NTM: variants seen among roughly 807,000 people sequenced by gnomAD.
The protein encoded by NTM is IgLON family member 2.
NTM carries 13 observed loss-of-function variants against 42.1 expected under a neutral mutation model. The observed-to-expected ratio is 0.31, with a 90% CI of 0.20 to 0.49. NTM has a LOEUF of 0.49. Ranked by LOEUF, NTM falls within the 20% of genes least tolerant of loss-of-function variation. The pLI, the probability that NTM is intolerant of heterozygous loss-of-function variation, is 0.99. For synonymous variants in NTM, 187 were observed against 179.2 expected (o/e 1.04, Z -0.35); for missense variants, 373 against 452.8 (o/e 0.82, Z 1.60).
chr11:131,407,056 T>A (rs970965197), intron 1 of NTM, among the ~76,000 whole-genome samples: 2 of 152,220 alleles, frequency 1.3e-5, no homozygotes, highest in Admixed American at 1.3e-4. Context: ...TTTTAAATAT[T>A]GAAGACGCAA....
chr11:131,914,519 T>C (rs1565725792), intron 2 of NTM, among the ~76,000 whole-genome samples: 1 of 152,234 alleles, frequency 6.6e-6, no homozygotes, highest in Non-Finnish European at 1.5e-5. Context: ...TGCTTTGTTC[T>C]CACCAACATC....
chr11:132,127,772 A>G (rs1318865411), intron 2 of NTM, among the ~76,000 whole-genome samples: 1 of 152,218 alleles, frequency 6.6e-6, no homozygotes, highest in African/African-American at 2.4e-5. Context: ...TTCACAGCCA[A>G]GCCTCATTCA....
chr11:132,061,325 A>G (rs1035827906), intron 2 of NTM, among the ~76,000 whole-genome samples: 1 of 152,244 alleles, frequency 6.6e-6, no homozygotes, highest in East Asian at 1.9e-4. Context: ...AAATGTCTTT[A>G]TCAACACCTT....
At chr11:131,416,925 G>A (rs1947020897) in intron 1 of NTM, among the ~76,000 whole-genome samples, 2 of 152,198 alleles carry the variant, frequency 1.3e-5, no homozygotes, top group South Asian at 2.1e-4. Flanking sequence ...GAAATGATCA[G>A]TAGACTTGTT....
intron 1 of NTM, among the ~76,000 whole-genome samples, chr11:131,544,355 C>T (rs1388188300): frequency 1.3e-5 from 2 of 152,156 alleles, no homozygotes; most frequent in African/African-American, 2.4e-5. Flanking sequence ...GTGCCTGGTT[C>T]GTTTGTCTAC....
chr11:131,495,297 C>G (rs1375887502), intron 1 of NTM, among the ~76,000 whole-genome samples: 2 of 152,218 alleles, frequency 1.3e-5, no homozygotes, highest in Non-Finnish European at 2.9e-5. Flanking sequence ...ACTCCCCCGC[C>G]CCTGTTGTTT....
intron 1 of NTM, among the ~76,000 whole-genome samples, chr11:131,419,663 T>G (rs1947305460): frequency 6.6e-6 from 1 of 151,868 alleles, no homozygotes; most frequent in African/African-American, 2.4e-5. Flanking sequence ...AGAAGCCACA[T>G]CATGTAGGTG....
chr11:131,984,003 G>GC (rs2065679093), intron 2 of NTM, among the ~76,000 whole-genome samples: 1 of 152,170 alleles, frequency 6.6e-6, no homozygotes, highest in South Asian at 2.1e-4. Context: ...TGATCTACCT[G>GC]CCTGTAGAGC....
At chr11:131,573,943 C>T (rs902766563) in intron 1 of NTM, among the ~76,000 whole-genome samples, 1 of 152,212 alleles carries the variant, frequency 6.6e-6, no homozygotes, top group Admixed American at 6.5e-5. Context: ...AGCCCCATCA[C>T]ATGAGCCACA....
chr11:131,855,553 C>A (rs1488611483), intron 1 of NTM, among the ~76,000 whole-genome samples: 2 of 152,176 alleles, frequency 1.3e-5, no homozygotes, highest in African/African-American at 2.4e-5. Flanking sequence ...ACTACCACAT[C>A]ATTTTCCTTT....
At chr11:131,398,244 G>C (rs568762228) in intron 1 of NTM, among the ~76,000 whole-genome samples, 6 of 152,154 alleles carry the variant, frequency 3.9e-5, no homozygotes, top group East Asian at 1.9e-4. Context: ...GAACCGAAAG[G>C]GCTTTGGAAA....
rs1224140652 is a variant in NTM at position 132,321,955 on chromosome 11, A to C, written c.934+7252A>C. Among the ~76,000 whole-genome samples the C allele has an allele frequency of 5.9e-3, 895 of 150,710 alleles. 9 individuals are homozygous for C. The highest frequency in any genetic ancestry group is 0.02 in the African/African-American group (831 of 41,024). On this transcript the variant is annotated intron_variant, in intron 7 of 8. Transcript: ENST00000683400. ...GCTTCATAAGTGAAGGAGAAATAAA[A>C]TACTTTACAGACAAGCAAATGCTGA...
chr11:132,157,591 T>C (rs970198897), intron 3 of NTM, among the ~76,000 whole-genome samples: 4 of 152,170 alleles, frequency 2.6e-5, no homozygotes, highest in African/African-American at 7.2e-5. Flanking sequence ...TGAGATTTGG[T>C]TTGTGAATGT....
rs553864161 is a variant in NTM, at chr11:132,038,824, C to A, written c.168-107458C>A. On this transcript the variant is annotated intron_variant, in intron 2 of 8. Coordinates refer to ENST00000683400, the MANE Select transcript of NTM (RefSeq NM_001352005.2). The stretch of plus-strand genomic sequence containing the variant: ...CTCGCCTGTCTGCCTTCCTCACGTC[C>A]CTGTGTCCCTCCGTCCCTCCTGCAC... 2.6e-5 allele frequency among the ~76,000 whole-genome samples: 4 copies of A among 152,328 alleles called. No individual in the cohort carries two copies. The South Asian group carries it at 8.3e-4, about 32-fold the overall frequency.
chr11:132,228,974 G>T (rs1176257018), intron 4 of NTM, among the ~76,000 whole-genome samples: 1 of 152,144 alleles, frequency 6.6e-6, no homozygotes, highest in Non-Finnish European at 1.5e-5. Context: ...CTTAGGCTAG[G>T]CATGAGTCAT....
chr11:131,381,922 G>A (rs890799231), intron 1 of NTM, among the ~76,000 whole-genome samples: 2 of 152,170 alleles, frequency 1.3e-5, no homozygotes, highest in African/African-American at 4.8e-5. Flanking sequence ...CTATTGGGAG[G>A]TACAGCTAAG....
intron 4 of NTM, among the ~76,000 whole-genome samples, chr11:132,224,628 AG>A (rs2085836013): frequency 6.6e-6 from 1 of 152,216 alleles, no homozygotes; most frequent in Non-Finnish European, 1.5e-5. Context: ...CTGAAGGTAC[AG>A]CAGTGGCAGT....
At chr11:131,705,849 C>T (rs75895224) in intron 1 of NTM, among the ~76,000 whole-genome samples, 5,116 of 151,690 alleles carry the variant, frequency 0.034, 109 homozygotes, top group Middle Eastern at 0.048. Flanking sequence ...GTGAGATACA[C>T]GAAAGAGAAA....
At chr11:132,022,747 C>T (rs76000781) in intron 2 of NTM, among the ~76,000 whole-genome samples, 2,406 of 152,300 alleles carry the variant, frequency 0.016, 59 homozygotes, top group African/African-American at 0.054. Flanking sequence ...ATACCTGTAA[C>T]TGCATGGAAT....
Sources: allele counts gnomAD v4.1 joint callset (sites outside exome capture counted in the v4.1 genomes callset), GRCh38; gene constraint gnomAD v4.1.1; transcripts MANE v1.5; gene names NCBI Gene and HGNC (gene_info 2026-07-23, HGNC 2026-07-21).